Variants in ZNF730 observed in about 807,000 individuals in gnomAD.
ZNF730 encodes zinc finger protein 730.
Under a neutral mutation model 12.6 loss-of-function variants are expected in ZNF730, and 12 were observed. That is an observed-to-expected ratio of 0.95 (90% CI 0.61 to 1.54). The LOEUF is 1.54. Ranked by LOEUF, ZNF730 falls within the 40% of genes most tolerant of loss-of-function variation. The probability of loss-of-function intolerance (pLI) is 0.00; values close to 1 mark genes in which losing one functional copy is unlikely to be tolerated. For synonymous variants in ZNF730, 194 were observed against 195.8 expected (o/e 0.99, Z 0.08); for missense variants, 643 against 583.5 (o/e 1.10, Z -1.05).
intron 1 of ZNF730, among the ~76,000 whole-genome samples, chr19:23,097,928 C>CT (rs1970279013): frequency 1.3e-5 from 2 of 152,100 alleles, no homozygotes; most frequent in African/African-American, 4.8e-5. Flanking sequence ...CACCTGAGGT[C>CT]TGGAGTCTAA....
intron 1 of ZNF730, chr19:23,128,404 A>C (rs1970697245): frequency 7.0e-6 from 3 of 430,662 alleles, no homozygotes; most frequent in Non-Finnish European, 1.3e-5. Context: ...TCATGCTGCT[A>C]TGTGAGAGAA....
chr19:23,089,860 A>T (rs1970127022), intron 1 of ZNF730, among the ~76,000 whole-genome samples: 1 of 152,192 alleles, frequency 6.6e-6, no homozygotes, highest in Non-Finnish European at 1.5e-5. Flanking sequence ...GAGGGCTCAG[A>T]AGAAGACAGG....
At chr19:23,118,801 A>C (rs1045486870) in intron 1 of ZNF730, among the ~76,000 whole-genome samples, 3 of 152,170 alleles carry the variant, frequency 2.0e-5, no homozygotes, top group African/African-American at 7.2e-5. Context: ...GATTTTACCT[A>C]TTCTTTTATT....
At chr19:23,089,376 TG>T (rs894836482) in intron 1 of ZNF730, among the ~76,000 whole-genome samples, 2 of 152,152 alleles carry the variant, frequency 1.3e-5, no homozygotes, top group African/African-American at 4.8e-5. Flanking sequence ...TGCTAATTTT[TG>T]TATTTTTAGT....
In ZNF730 at chr19:23,146,788, A is replaced by G; in HGVS notation, c.*232A>G. Reference sequence around the variant, plus strand: ...CACCTTACTACACATAAGATAATTCATACTGGAGAGAAACCCTACAAGTGT... The same window carrying G: ...CACCTTACTACACATAAGATAATTCGTACTGGAGAGAAACCCTACAAGTGT... On this transcript the variant is annotated 3_prime_UTR_variant, in exon 4 of 4. Coordinates refer to ENST00000597761, the MANE Select transcript of ZNF730 (RefSeq NM_001277403.2). 1 of 986,446 alleles carries G rather than the reference A, an allele frequency of 1.0e-6. No homozygotes were observed. Among genetic ancestry groups the G allele is most frequent in the Non-Finnish European group, 1.6e-6 (1 of 612,462 alleles). The allele number at this position is 986,446 out of a possible 1,614,324, so 61.1% of individuals were successfully genotyped here.
chr19:23,084,998 A>G (rs988115456), intron 1 of ZNF730, among the ~76,000 whole-genome samples: 2 of 152,202 alleles, frequency 1.3e-5, no homozygotes, highest in African/African-American at 2.4e-5. Flanking sequence ...ATTACTGGTC[A>G]AATGTTATTT....
chr19:23,140,992 G>A (rs1970908588), intron 3 of ZNF730, among the ~76,000 whole-genome samples: 1 of 152,008 alleles, frequency 6.6e-6, no homozygotes, highest in African/African-American at 2.4e-5. Context: ...AGTCATGGTG[G>A]TGTTTCACAT....
At chr19:23,089,516 G>T (rs1430762110) in intron 1 of ZNF730, among the ~76,000 whole-genome samples, 2 of 152,092 alleles carry the variant, frequency 1.3e-5, no homozygotes, top group African/African-American at 4.8e-5. Flanking sequence ...TTTTTTTCCT[G>T]TAGTATTCTC....
At chr19:23,091,449 C>T (rs1349846153) in intron 1 of ZNF730, among the ~76,000 whole-genome samples, 1 of 152,136 alleles carries the variant, frequency 6.6e-6, no homozygotes, top group Admixed American at 6.6e-5. Context: ...GTAGATTCAC[C>T]CACAGCTTGC....
At chr19:23,085,846 T>TTTTTTC (rs1970054216) in intron 1 of ZNF730, among the ~76,000 whole-genome samples, 1 of 98,436 alleles carries the variant, frequency 1.0e-5, no homozygotes, top group Non-Finnish European at 2.1e-5. Context: ...CTTTTTTTTT[T>TTTTTTC]TTTTTTTTTT....
chr19:23,117,300 C>T, intron 1 of ZNF730, 124 bp downstream of exon 1: 3 of 1,557,968 alleles, frequency 1.9e-6, no homozygotes, highest in Non-Finnish European at 2.6e-6. Flanking sequence ...AGAGTTCTTG[C>T]CCAGCTCGGC....
intron 1 of ZNF730, among the ~76,000 whole-genome samples, chr19:23,077,617 T>A (rs1969887844): frequency 6.6e-6 from 1 of 151,812 alleles, no homozygotes; most frequent in Non-Finnish European, 1.5e-5. Context: ...AATTTTTGTA[T>A]TTTTAGTAGA....
chr19:23,125,318 C>G (rs894750486), intron 1 of ZNF730, among the ~76,000 whole-genome samples: 76 of 152,086 alleles, frequency 5.0e-4, no homozygotes, highest in African/African-American at 1.6e-3. Context: ...AACTGGGCAA[C>G]AGGCAGAGGT....
chr19:23,077,824 T>A (rs1019774644), intron 1 of ZNF730, among the ~76,000 whole-genome samples: 1 of 152,208 alleles, frequency 6.6e-6, no homozygotes, highest in African/African-American at 2.4e-5. Flanking sequence ...TGCTCTGTAC[T>A]AAGAAAAATT....
In ZNF730 at chr19:23,076,883, A is replaced by G. The variant is rs559529934; in HGVS notation, c.-94+1496A>G. On this transcript the variant is annotated intron_variant, in intron 1 of 2. Coordinates refer to the ZNF730 transcript ENST00000593635. ...ATCATTCTACTATAAAGACACGTGC[A>G]TGTGTATATTCATTGCAGCACAATT... Among the ~76,000 whole-genome samples, 10 of 152,314 alleles carry G rather than the reference A, an allele frequency of 6.6e-5. No homozygotes were observed. In the South Asian group the frequency reaches 2.1e-3, roughly 32 times the overall value.
At position 23,134,177 on chromosome 19, in the gene ZNF730, T is replaced by C. The variant is rs1450861618; in HGVS notation, c.101T>C (p.Leu34Ser). The C allele has an allele frequency of 4.3e-6, 7 of 1,612,260 alleles. No individual in the cohort carries two copies. The Admixed American group carries it at 1.2e-4, about 27-fold the overall frequency. ...CAGAATTTATATAGAAATGTAATGT[T>C]AGATAACTACAGAAACCTGGTCTTC... Reference protein sequence around the residue: ...EQQNLYRNVMLDNYRNLVFLG... With the variant: ...EQQNLYRNVMSDNYRNLVFLG... The change falls in exon 2 of 4, where the codon TTA (leucine) becomes TCA (serine). Residue 34 changes from leucine (L) to serine (S), a missense_variant. Coordinates refer to ENST00000597761, the MANE Select transcript of ZNF730 (RefSeq NM_001277403.2).
intron 1 of ZNF730, among the ~76,000 whole-genome samples, chr19:23,099,081 C>G (rs1190617538): frequency 1.3e-5 from 2 of 152,158 alleles, no homozygotes; most frequent in African/African-American, 4.8e-5. Context: ...AGAATTACCA[C>G]TATCACACAG....
intron 1 of ZNF730, among the ~76,000 whole-genome samples, chr19:23,077,550 G>T (rs1003427629): frequency 1.9e-4 from 28 of 143,692 alleles, no homozygotes; most frequent in African/African-American, 3.6e-4. Flanking sequence ...CAATCCTCCT[G>T]CCTTAGCCTC....
intron 1 of ZNF730, among the ~76,000 whole-genome samples, chr19:23,104,435 A>G (rs935271788): frequency 6.6e-6 from 1 of 152,078 alleles, no homozygotes; most frequent in Admixed American, 6.6e-5. Flanking sequence ...TGCTTGGTAT[A>G]TTGCTGATCC....
Sources: allele counts gnomAD v4.1 joint callset (sites outside exome capture counted in the v4.1 genomes callset), GRCh38; gene constraint gnomAD v4.1.1; transcripts MANE v1.5; gene names NCBI Gene and HGNC (gene_info 2026-07-23, HGNC 2026-07-21).